EIF4G3: variants seen among roughly 807,000 people sequenced by gnomAD.
The protein encoded by EIF4G3 is eIF-4-gamma 3.
EIF4G3 carries 34 observed loss-of-function variants against 186.4 expected under a neutral mutation model. The observed-to-expected ratio is 0.18, with a 90% CI of 0.14 to 0.24. The LOEUF (loss-of-function observed/expected upper bound fraction) is 0.24, where lower values mean the gene tolerates loss of function less well. Ranked by LOEUF, EIF4G3 falls within the 10% of genes least tolerant of loss-of-function variation. EIF4G3 has a pLI of 1.00. For synonymous variants in EIF4G3, 673 were observed against 679.5 expected (o/e 0.99, Z 0.15); for missense variants, 1,536 against 1,948.5 (o/e 0.79, Z 3.99).
At chr1:20,911,882 C>T (rs1387463170) in intron 14 of EIF4G3, among the ~76,000 whole-genome samples, 2 of 151,946 alleles carry the variant, frequency 1.3e-5, no homozygotes, top group East Asian at 3.9e-4. Context: ...CAAACACTTC[C>T]TCTACCCCTT....
At chr1:21,123,329 G>T (rs1289040846) in intron 2 of EIF4G3, among the ~76,000 whole-genome samples, 2 of 152,030 alleles carry the variant, frequency 1.3e-5, no homozygotes, top group Non-Finnish European at 2.9e-5. Flanking sequence ...GTGGGAGGCC[G>T]AGATGAGCAG....
chr1:20,906,806 C>A (rs969325812), intron 14 of EIF4G3, among the ~76,000 whole-genome samples: 8 of 131,386 alleles, frequency 6.1e-5, no homozygotes, highest in African/African-American at 1.0e-4. Context: ...TTAAAAAAAA[C>A]TGGATACACA....
intron 14 of EIF4G3, among the ~76,000 whole-genome samples, chr1:20,913,097 TC>T (rs2093438275): frequency 1.3e-5 from 2 of 152,050 alleles, no homozygotes; most frequent in Non-Finnish European, 2.9e-5. Context: ...TTCTCAGAGG[TC>T]GTTATTTGAA....
At chr1:21,143,649 T>C (rs2097380721) in intron 2 of EIF4G3, among the ~76,000 whole-genome samples, 2 of 152,148 alleles carry the variant, frequency 1.3e-5, no homozygotes. Context: ...TACAAAATAT[T>C]TTTCAAAAAT....
chr1:20,921,053 GGT>G (rs1254079466), intron 14 of EIF4G3, among the ~76,000 whole-genome samples: 2 of 151,666 alleles, frequency 1.3e-5, no homozygotes, highest in African/African-American at 4.8e-5. Flanking sequence ...ATTATATTTG[GGT>G]GTGTTTGAAA....
intron 3 of EIF4G3, among the ~76,000 whole-genome samples, chr1:21,054,753 T>TC (rs1288541574): frequency 6.6e-6 from 1 of 151,982 alleles, no homozygotes; most frequent in Non-Finnish European, 1.5e-5. Context: ...TACTCTAACC[T>TC]TCAAATCACT....
chr1:20,989,659 T>C (rs554061945), intron 7 of EIF4G3, among the ~76,000 whole-genome samples: 7 of 149,492 alleles, frequency 4.7e-5, no homozygotes, highest in Admixed American at 6.7e-5. Context: ...ACTGGCTTCA[T>C]ATGGAGGAGC....
At position 20,966,556 on chromosome 1, in the gene EIF4G3, C is replaced by G. The variant is rs537448122; in HGVS notation, c.714+2918G>C. 2.6e-5 allele frequency among the ~76,000 whole-genome samples: 4 copies of G among 151,752 alleles called. No homozygotes were observed. In the East Asian group the frequency reaches 7.8e-4, roughly 29 times the overall value. ...TGGTGCTCTCAGCTCACTGCAACCT[C>G]TGCCTCCCGGGTTCAAGCGATTCTC... On this transcript the variant is annotated intron_variant, in intron 12 of 36. Transcript: ENST00000602326.
intron 2 of EIF4G3, among the ~76,000 whole-genome samples, chr1:21,100,419 T>C (rs1309630261): frequency 6.6e-6 from 1 of 152,178 alleles, no homozygotes; most frequent in Non-Finnish European, 1.5e-5. Flanking sequence ...TAAATATTAT[T>C]GCATGTAATT....
intron 31 of EIF4G3, among the ~76,000 whole-genome samples, chr1:20,828,898 T>C (rs955276731): frequency 1.3e-5 from 2 of 152,192 alleles, no homozygotes; most frequent in Non-Finnish European, 2.9e-5. Flanking sequence ...AGTTACACGA[T>C]TCTGGAGCCA....
chr1:21,009,136 C>G (rs2086202695), intron 4 of EIF4G3, among the ~76,000 whole-genome samples: 1 of 152,124 alleles, frequency 6.6e-6, no homozygotes, highest in Non-Finnish European at 1.5e-5. Flanking sequence ...TAAAATTTCT[C>G]TTTATAAACT....
chr1:21,023,501 C>G (rs942258331), intron 4 of EIF4G3, among the ~76,000 whole-genome samples: 1 of 152,054 alleles, frequency 6.6e-6, no homozygotes, highest in African/African-American at 2.4e-5. Context: ...CGCGAGTGAT[C>G]CGCCAGCCTC....
At chr1:20,955,924 T>C (rs2096401832) in intron 12 of EIF4G3, among the ~76,000 whole-genome samples, 1 of 152,078 alleles carries the variant, frequency 6.6e-6, no homozygotes, top group Admixed American at 6.5e-5. Context: ...AATAACTGAG[T>C]ACAGAGATCA....
At chr1:20,857,591 G>A (rs567082886) in intron 24 of EIF4G3, 94 bp from the exon 25 acceptor site, 4 of 1,019,554 alleles carry the variant, frequency 3.9e-6, no homozygotes, top group Admixed American at 3.6e-5. Context: ...CAAGGAGAAA[G>A]ACAACAGAAG....
At chr1:20,816,432 C>T (rs1297405935) in intron 34 of EIF4G3, among the ~76,000 whole-genome samples, 4 of 126,538 alleles carry the variant, frequency 3.2e-5, no homozygotes, top group African/African-American at 5.9e-5. Context: ...TCTGCCCGGC[C>T]GCCCCTACTG....
At chr1:20,981,321 G>A in intron 8 of EIF4G3, 94 bp from the exon 9 acceptor site, 1 of 863,736 alleles carries the variant, frequency 1.2e-6, no homozygotes. Flanking sequence ...ATAAAAATCT[G>A]GTCAACTTGA....
At chr1:20,985,726 G>A (rs184353431) in intron 7 of EIF4G3, among the ~76,000 whole-genome samples, 5 of 152,232 alleles carry the variant, frequency 3.3e-5, no homozygotes, top group Admixed American at 2.6e-4. Flanking sequence ...ACTGAGTGAT[G>A]AACAATCATT....
intron 3 of EIF4G3, among the ~76,000 whole-genome samples, chr1:21,070,699 G>C (rs1165277391): frequency 6.6e-6 from 1 of 152,126 alleles, no homozygotes; most frequent in Non-Finnish European, 1.5e-5. Context: ...TTTTTGCTAA[G>C]TTTCAGATAT....
chr1:20,996,156 C>A (rs1239682953), intron 7 of EIF4G3, among the ~76,000 whole-genome samples: 1 of 152,112 alleles, frequency 6.6e-6, no homozygotes, highest in East Asian at 1.9e-4. Flanking sequence ...GTGCCAAACA[C>A]CCCGCTAATC....
Sources: gnomAD v4.1 joint callset for allele counts (sites outside exome capture counted in the v4.1 genomes callset) on GRCh38, gnomAD v4.1.1 for gene constraint, MANE v1.5 for transcripts, NCBI Gene and HGNC (gene_info 2026-07-23, HGNC 2026-07-21) for gene names.